The following PCSK6 variants were observed in gnomAD, a reference collection of about 807,000 sequenced individuals.
The protein encoded by PCSK6 is proprotein convertase subtilisin/kexin type 6.
Under a neutral mutation model 123.3 loss-of-function variants are expected in PCSK6, and 85 were observed. The observed-to-expected ratio is 0.69, with a 90% CI of 0.58 to 0.83. PCSK6 has a LOEUF of 0.83. Ranked by LOEUF, PCSK6 falls within the 40% of genes least tolerant of loss-of-function variation. The probability of loss-of-function intolerance (pLI) is 0.00; values close to 1 mark genes in which losing one functional copy is unlikely to be tolerated. For synonymous variants in PCSK6, 508 were observed against 516.0 expected (o/e 0.98, Z 0.21); for missense variants, 1,191 against 1,282.3 (o/e 0.93, Z 1.09).
chr15:101,395,213 A>T (rs868779922), intron 7 of PCSK6, among the ~76,000 whole-genome samples: 1 of 152,198 alleles, frequency 6.6e-6, no homozygotes, highest in South Asian at 2.1e-4. Context: ...TTACTGCTCC[A>T]GGAGCAGAGA....
chr15:101,396,577 C>T (rs2042419033), intron 7 of PCSK6, among the ~76,000 whole-genome samples: 1 of 152,070 alleles, frequency 6.6e-6, no homozygotes, highest in African/African-American at 2.4e-5. Flanking sequence ...GACTGAGATC[C>T]AAGCGATCTA....
At chr15:101,434,170 C>T (rs577749484) in intron 2 of PCSK6, among the ~76,000 whole-genome samples, 7 of 152,296 alleles carry the variant, frequency 4.6e-5, no homozygotes, top group South Asian at 2.1e-4. Context: ...TCTAAGATGC[C>T]GCAAACAATA....
At chr15:101,328,247 A>C (rs1217024131) in intron 15 of PCSK6, among the ~76,000 whole-genome samples, 2 of 152,196 alleles carry the variant, frequency 1.3e-5, no homozygotes, top group Non-Finnish European at 2.9e-5. Flanking sequence ...CTCCCTGAGG[A>C]GGCAGCAGGT....
chr15:101,453,107 T>C (rs1021564812), intron 1 of PCSK6, among the ~76,000 whole-genome samples: 1 of 152,214 alleles, frequency 6.6e-6, no homozygotes, highest in African/African-American at 2.4e-5. Flanking sequence ...AAACTCTTTC[T>C]CTAACCCCAT....
intron 8 of PCSK6, among the ~76,000 whole-genome samples, chr15:101,391,501 T>C (rs531751629): frequency 2.8e-4 from 42 of 152,354 alleles, no homozygotes; most frequent in Non-Finnish European, 5.0e-4. Flanking sequence ...ACACAGCTCG[T>C]GTTCAGTGAA....
At chr15:101,349,812 G>A (rs1007006917) in intron 13 of PCSK6, among the ~76,000 whole-genome samples, 3 of 152,170 alleles carry the variant, frequency 2.0e-5, no homozygotes, top group Non-Finnish European at 2.9e-5. Flanking sequence ...AGTGCAGAGT[G>A]CCATACAGAT....
intron 6 of PCSK6, among the ~76,000 whole-genome samples, chr15:101,417,361 T>G (rs565962560): frequency 6.6e-6 from 1 of 152,316 alleles, no homozygotes; most frequent in Admixed American, 6.5e-5. Flanking sequence ...CATTGGCATA[T>G]TCACAAAAAC....
chr15:101,439,471 C>T (rs376498500), intron 2 of PCSK6, among the ~76,000 whole-genome samples: 35 of 152,338 alleles, frequency 2.3e-4, no homozygotes, highest in African/African-American at 7.5e-4. Context: ...ATTCGATCAC[C>T]CTCATGGGGG....
At chr15:101,401,682 G>A (rs1009608981) in intron 6 of PCSK6, among the ~76,000 whole-genome samples, 1 of 152,236 alleles carries the variant, frequency 6.6e-6, no homozygotes, top group Non-Finnish European at 1.5e-5. Flanking sequence ...ATCATATGTA[G>A]AGGGATGTCA....
chr15:101,489,166 CA>C (rs199854223), intron 1 of PCSK6, among the ~76,000 whole-genome samples: 71,796 of 100,820 alleles, frequency 0.71, 27,337 homozygotes, highest in Non-Finnish European at 0.76. Flanking sequence ...CAGTCCCCCC[CA>C]CCCCGCCGAG....
intron 5 of PCSK6, among the ~76,000 whole-genome samples, chr15:101,428,391 C>T (rs1269902141): frequency 6.6e-6 from 1 of 152,180 alleles, no homozygotes; most frequent in African/African-American, 2.4e-5. Context: ...GCAGGGACAC[C>T]TGCTGCCTGG....
chr15:101,397,173 C>T (rs77941692), intron 7 of PCSK6, among the ~76,000 whole-genome samples: 3,299 of 152,198 alleles, frequency 0.022, 139 homozygotes, highest in East Asian at 0.2. Context: ...GAGAGAAAAA[C>T]GCTCATTCTG....
chr15:101,470,946 A>G (rs897316946), intron 1 of PCSK6, among the ~76,000 whole-genome samples: 7 of 152,242 alleles, frequency 4.6e-5, no homozygotes, highest in Admixed American at 1.3e-4. Context: ...ACTGCGGAGC[A>G]AGACCGAGAA....
intron 1 of PCSK6, among the ~76,000 whole-genome samples, chr15:101,471,346 T>C (rs1253374457): frequency 6.6e-6 from 1 of 152,216 alleles, no homozygotes; most frequent in Non-Finnish European, 1.5e-5. Context: ...CTCTCCCACG[T>C]CCACAAAAAT....
intron 20 of PCSK6, chr15:101,307,639 C>T (rs2039756047): frequency 3.3e-6 from 1 of 307,040 alleles, no homozygotes. Context: ...GGCCCTGGCA[C>T]CCAGCCCCCA....
At chr15:101,463,620 G>T (rs1294011542) in intron 1 of PCSK6, among the ~76,000 whole-genome samples, 1 of 152,188 alleles carries the variant, frequency 6.6e-6, no homozygotes, top group East Asian at 1.9e-4. Context: ...GGATTCGGTT[G>T]TTCATCTATT....
chr15:101,359,687 G>C (rs2041154790), intron 13 of PCSK6, among the ~76,000 whole-genome samples: 2 of 152,250 alleles, frequency 1.3e-5, no homozygotes, highest in Non-Finnish European at 2.9e-5. Context: ...GCAGGAAGCA[G>C]TGTGGCAGGT....
At chr15:101,342,995 C>T (rs2040652793) in intron 13 of PCSK6, among the ~76,000 whole-genome samples, 1 of 152,036 alleles carries the variant, frequency 6.6e-6, no homozygotes, top group African/African-American at 2.4e-5. Context: ...AGAACACTGA[C>T]ATTATTTCTT....
At chr15:101,323,812 G>C in intron 17 of PCSK6, among the ~76,000 whole-genome samples, 1 of 152,144 alleles carries the variant, frequency 6.6e-6, no homozygotes, top group Non-Finnish European at 1.5e-5. Flanking sequence ...GTCCACAGGG[G>C]TAACGGCAGT....
Sources: allele counts gnomAD v4.1 joint callset (sites outside exome capture counted in the v4.1 genomes callset), GRCh38; gene constraint gnomAD v4.1.1; transcripts MANE v1.5; gene names NCBI Gene and HGNC (gene_info 2026-07-23, HGNC 2026-07-21).